MAD1L1: variants seen among roughly 807,000 people sequenced by gnomAD.
MAD1L1 encodes the protein mitotic arrest deficient 1 like 1.
A neutral mutation model predicts 96.9 loss-of-function variants in MAD1L1; 95 were observed. The observed-to-expected ratio is 0.98, with a 90% CI of 0.83 to 1.16. The LOEUF (loss-of-function observed/expected upper bound fraction) is 1.16. MAD1L1 is among the 50% of genes most tolerant of loss of function. The pLI, the probability that MAD1L1 is intolerant of heterozygous loss-of-function variation, is 0.00. For missense variants in MAD1L1, 1,007 were observed against 954.4 expected, an observed-to-expected ratio of 1.06 and a Z score of -0.73; for synonymous variants, 473 against 396.6, an observed-to-expected ratio of 1.19 and a Z score of -2.29.
intron 18 of MAD1L1, among the ~76,000 whole-genome samples, chr7:1,828,263 T>G (rs1782530127): frequency 6.6e-6 from 1 of 152,118 alleles, no homozygotes; most frequent in South Asian, 2.1e-4. Context: ...TGGCGGGCCC[T>G]GAGAGACGGG....
intron 18 of MAD1L1, among the ~76,000 whole-genome samples, chr7:1,836,425 C>T (rs1027852967): frequency 8.5e-5 from 13 of 152,228 alleles, no homozygotes; most frequent in Non-Finnish European, 1.8e-4. Flanking sequence ...GCATCTTGTG[C>T]GGACCTCCTA....
chr7:2,225,573 A>G, intron 3 of MAD1L1, 23 bp from the exon 4 acceptor site: 1 of 1,610,910 alleles, frequency 6.2e-7, no homozygotes, highest in South Asian at 1.1e-5. Context: ...CACCCAAAGA[A>G]AAACAGAATC....
intron 15 of MAD1L1, among the ~76,000 whole-genome samples, chr7:1,974,333 T>C (rs1034390482): frequency 1.3e-5 from 2 of 152,052 alleles, no homozygotes; most frequent in African/African-American, 4.8e-5. Flanking sequence ...CTTAAGGAAA[T>C]CATCCAGAAA....
chr7:1,939,234 C>T (rs34843856), intron 16 of MAD1L1, among the ~76,000 whole-genome samples: 203 of 150,386 alleles, frequency 1.3e-3, no homozygotes, highest in Non-Finnish European at 2.2e-3. Context: ...GCCAGAGGCA[C>T]ACACACACGG....
chr7:1,980,107 G>A (rs1780824887), intron 15 of MAD1L1, among the ~76,000 whole-genome samples: 3 of 152,206 alleles, frequency 2.0e-5, no homozygotes, highest in Admixed American at 2.0e-4. Flanking sequence ...GTCACGGCCT[G>A]GAGAGGGGGA....
Position 2,219,460 on chromosome 7 carries a change from A to G in MAD1L1, c.472-4T>C, listed in dbSNP as rs770626055. The G allele has an allele frequency of 6.2e-7, 1 of 1,613,308 alleles. No homozygotes were observed. Among genetic ancestry groups the G allele is most frequent in the South Asian group, 1.1e-5 (1 of 90,978 alleles). On this transcript the variant is annotated splice_polypyrimidine_tract_variant and splice_region_variant and intron_variant, in intron 5 of 18. Coordinates refer to ENST00000265854, the MANE Select transcript of MAD1L1 (RefSeq NM_001013836.2). ...TCCCCTTCAGTGCGTTGATGGTCTA[A>G]AAGTAGAGGGGACCAGAGAGCCGCT...
chr7:2,007,126 G>A (rs553820273), intron 13 of MAD1L1, among the ~76,000 whole-genome samples: 1 of 152,286 alleles, frequency 6.6e-6, no homozygotes, highest in African/African-American at 2.4e-5. Context: ...CCAGACAGAG[G>A]GAAGGGACCT....
chr7:2,209,175 C>T (rs527733748), intron 10 of MAD1L1, among the ~76,000 whole-genome samples: 1 of 152,362 alleles, frequency 6.6e-6, no homozygotes, highest in East Asian at 1.9e-4. Context: ...CCTCGTTCCA[C>T]AGGGTCTTCC....
intron 10 of MAD1L1, among the ~76,000 whole-genome samples, chr7:2,154,936 T>C (rs1252408204): frequency 1.3e-5 from 2 of 152,062 alleles, no homozygotes; most frequent in South Asian, 2.1e-4. Context: ...GAGGCCACCA[T>C]CTGGAGTAAA....
intron 18 of MAD1L1, among the ~76,000 whole-genome samples, chr7:1,878,619 G>A (rs1785509233): frequency 6.6e-6 from 1 of 150,766 alleles, no homozygotes; most frequent in Non-Finnish European, 1.5e-5. Flanking sequence ...TAGAACAGAA[G>A]GGAACTTTCT....
At chr7:1,830,333 G>A (rs1432093302) in intron 18 of MAD1L1, among the ~76,000 whole-genome samples, 1 of 152,190 alleles carries the variant, frequency 6.6e-6, no homozygotes, top group Non-Finnish European at 1.5e-5. Flanking sequence ...GGAGGCGGAG[G>A]TTGCAGTGAG....
chr7:1,858,950 C>T (rs372760781), intron 18 of MAD1L1, among the ~76,000 whole-genome samples: 9 of 152,326 alleles, frequency 5.9e-5, no homozygotes, highest in African/African-American at 1.9e-4. Context: ...CACGCCTTTC[C>T]ACTGAGGCTC....
Position 1,980,438 on chromosome 7 carries a change from C to T in MAD1L1, c.1505+15G>A, listed in dbSNP as rs1780846873. Reference sequence around the variant, plus strand: ...ACACACCTGGGCGTGTCCGCCTCCTCTCTGGGGGACGTACCTGAGCGTGTC... The same window carrying T: ...ACACACCTGGGCGTGTCCGCCTCCTTTCTGGGGGACGTACCTGAGCGTGTC... On this transcript the variant is annotated intron_variant, in intron 15 of 18. Transcript: ENST00000265854. The T allele has an allele frequency of 6.2e-7, 1 of 1,607,022 alleles. No individual in the cohort carries two copies. The highest frequency in any genetic ancestry group is 1.7e-5 in the Admixed American group (1 of 59,324).
intron 10 of MAD1L1, among the ~76,000 whole-genome samples, chr7:2,159,205 G>A (rs1179119686): frequency 1.3e-5 from 2 of 152,246 alleles, no homozygotes; most frequent in Non-Finnish European, 2.9e-5. Context: ...CCCACAGGGA[G>A]CAACCACTTT....
chr7:2,106,969 G>A (rs1159371786), intron 11 of MAD1L1, among the ~76,000 whole-genome samples: 1 of 152,098 alleles, frequency 6.6e-6, no homozygotes, highest in Non-Finnish European at 1.5e-5. Context: ...GTAGTCTAGT[G>A]TGAAAGAGCC....
chr7:2,007,692 A>G (rs1782097165), intron 13 of MAD1L1, among the ~76,000 whole-genome samples: 2 of 152,184 alleles, frequency 1.3e-5, no homozygotes, highest in Admixed American at 6.5e-5. Context: ...CCCCGCCAAA[A>G]AAAGTTAAAC....
intron 11 of MAD1L1, among the ~76,000 whole-genome samples, chr7:2,094,452 A>C (rs1316487110): frequency 6.6e-6 from 1 of 152,198 alleles, no homozygotes; most frequent in African/African-American, 2.4e-5. Context: ...GACACAAAAA[A>C]CCAAAGTCTA....
intron 18 of MAD1L1, among the ~76,000 whole-genome samples, chr7:1,860,988 GCCC>G (rs2128647372): frequency 6.6e-6 from 1 of 152,300 alleles, no homozygotes; most frequent in East Asian, 1.9e-4. Context: ...ACCAGCAGCT[GCCC>G]CGATGGAGTC....
chr7:1,846,860 A>G, intron 18 of MAD1L1: 1 of 231,024 alleles, frequency 4.3e-6, no homozygotes, highest in South Asian at 5.3e-5. Flanking sequence ...TGCCTTTTCC[A>G]TTTCATCAGC....
Sources: gnomAD v4.1 joint callset for allele counts (sites outside exome capture counted in the v4.1 genomes callset) on GRCh38, gnomAD v4.1.1 for gene constraint, MANE v1.5 for transcripts, NCBI Gene and HGNC (gene_info 2026-07-23, HGNC 2026-07-21) for gene names.